The following SOX6 variants were observed in gnomAD, a reference collection of about 807,000 sequenced individuals.
SOX6 encodes the protein SRY-box transcription factor 6, also known as transcription factor SOX-6.
Under a neutral mutation model 97.8 loss-of-function variants are expected in SOX6, and 11 were observed. That is an observed-to-expected ratio of 0.11 (90% CI 0.07 to 0.19). The LOEUF (loss-of-function observed/expected upper bound fraction) is 0.19, where lower values mean the gene tolerates loss of function less well. Among genes scored for constraint, SOX6 ranks in the 10% least tolerant of loss-of-function variants. The probability of loss-of-function intolerance (pLI) is 1.00; values close to 1 mark genes in which losing one functional copy is unlikely to be tolerated. For synonymous variants in SOX6, 360 were observed against 371.4 expected, an observed-to-expected ratio of 0.97 and a Z score of 0.35; for missense variants, 810 against 1,039.5, an observed-to-expected ratio of 0.78 and a Z score of 3.04.
chr11:16,444,643 A>C (rs1187683875), intron 1 of SOX6, among the ~76,000 whole-genome samples: 1 of 152,190 alleles, frequency 6.6e-6, no homozygotes, highest in Admixed American at 6.5e-5. Flanking sequence ...TACCCTGAAA[A>C]CACATAAACT....
rs1853196597 is a variant in SOX6 at position 15,968,192 on chromosome 11, A to T, written c.*4617T>A. 6.6e-6 allele frequency: 1 copy of T among 152,200 alleles called. No homozygotes were observed. Among genetic ancestry groups the T allele is most frequent in the Non-Finnish European group, 1.5e-5 (1 of 68,038 alleles). The allele number at this position is 152,200 out of a possible 1,614,324, so 9.4% of individuals were successfully genotyped here. On this transcript the variant is annotated 3_prime_UTR_variant, in exon 16 of 16. Transcript: ENST00000683767. ...AAGTGCTTTTGTGAAAGGACAAATG[A>T]GGTCATACAATATTATTATACTTTG... is the stretch of plus-strand genomic sequence containing the variant.
At chr11:16,409,786 G>A (rs1342211994) in intron 1 of SOX6, among the ~76,000 whole-genome samples, 2 of 151,436 alleles carry the variant, frequency 1.3e-5, no homozygotes, top group African/African-American at 4.9e-5. Flanking sequence ...TAAAATTTAG[G>A]ATGCATTGCC....
chr11:16,547,111 A>G (rs1847630298), intron 4 of SOX6, among the ~76,000 whole-genome samples: 1 of 152,190 alleles, frequency 6.6e-6, no homozygotes, highest in African/African-American at 2.4e-5. Flanking sequence ...GACAAAAAAT[A>G]ACAGATGATG....
At chr11:16,293,205 T>G (rs190195299) in intron 3 of SOX6, among the ~76,000 whole-genome samples, 2 of 152,286 alleles carry the variant, frequency 1.3e-5, no homozygotes, top group Admixed American at 6.5e-5. Context: ...GTTCTCACAC[T>G]GAATAATATG....
intron 2 of SOX6, among the ~76,000 whole-genome samples, chr11:16,319,061 T>TC (rs1855832709): frequency 6.6e-6 from 1 of 152,166 alleles, no homozygotes; most frequent in African/African-American, 2.4e-5. Context: ...GTATCAACAC[T>TC]CTTCCCACAA....
At chr11:16,595,655 G>A (rs1397727491) in intron 4 of SOX6, among the ~76,000 whole-genome samples, 2 of 150,532 alleles carry the variant, frequency 1.3e-5, no homozygotes, top group East Asian at 3.9e-4. Flanking sequence ...GGCTTCTGTA[G>A]TCGCAGCTAC....
rs117329429 is a variant in SOX6 at position 16,247,337 on chromosome 11, C to T, written c.446-12666G>A. On this transcript the variant is annotated intron_variant, in intron 3 of 15. Coordinates refer to ENST00000683767, the MANE Select transcript of SOX6 (RefSeq NM_001367873.1). ...TGTTGATAGACACTTAGGTTGACTC[C>T]GTATTTGGCTATTGTGAGTAGTGCT... Among the ~76,000 whole-genome samples, 429 of 152,178 alleles carry T rather than the reference C, an allele frequency of 2.8e-3. 5 individuals are homozygous for T. In the East Asian group the frequency reaches 0.04, roughly 14 times the overall value.
intron 3 of SOX6, among the ~76,000 whole-genome samples, chr11:16,682,045 T>A (rs1847932529): frequency 3.3e-5 from 5 of 152,364 alleles, no homozygotes; most frequent in Admixed American, 2.6e-4. Context: ...AAAGAGGAGC[T>A]GGTACCATTC....
intron 3 of SOX6, among the ~76,000 whole-genome samples, chr11:16,271,482 C>T (rs1854257084): frequency 1.3e-5 from 2 of 151,402 alleles, no homozygotes; most frequent in Admixed American, 6.6e-5. Context: ...TCCTGTAAAA[C>T]TTTCTGGGCC....
At chr11:16,303,986 G>A (rs555842334) in intron 3 of SOX6, among the ~76,000 whole-genome samples, 9 of 152,108 alleles carry the variant, frequency 5.9e-5, no homozygotes, top group Non-Finnish European at 8.8e-5. Flanking sequence ...GTGCGATCTC[G>A]GCTCACTGCA....
At chr11:16,213,454 G>A (rs139897530) in intron 4 of SOX6, among the ~76,000 whole-genome samples, 1 of 151,882 alleles carries the variant, frequency 6.6e-6, no homozygotes. Context: ...ACACAATGAA[G>A]AATGCATACA....
chr11:16,002,969 T>A (rs567005684), intron 13 of SOX6, among the ~76,000 whole-genome samples: 2 of 152,302 alleles, frequency 1.3e-5, no homozygotes, highest in South Asian at 4.1e-4. Flanking sequence ...AAAACTAGCC[T>A]TCTGGCTGAT....
intron 9 of SOX6, 134 bp downstream of exon 9, chr11:16,095,862 T>G (rs1020027667): frequency 9.4e-7 from 1 of 1,069,228 alleles, no homozygotes; most frequent in Non-Finnish European, 1.3e-6. Flanking sequence ...TCCTTAGGAA[T>G]GAGAAAAAGG....
intron 4 of SOX6, among the ~76,000 whole-genome samples, chr11:16,481,474 T>C (rs1019304955): frequency 2.0e-5 from 3 of 152,176 alleles, no homozygotes; most frequent in African/African-American, 7.2e-5. Flanking sequence ...AGAACTTCCT[T>C]CCTCAAAGAA....
At chr11:16,141,428 C>G (rs1850137467) in intron 6 of SOX6, among the ~76,000 whole-genome samples, 1 of 152,076 alleles carries the variant, frequency 6.6e-6, no homozygotes, top group African/African-American at 2.4e-5. Context: ...TGTACAGCTC[C>G]CAGCATGAGC....
chr11:16,133,066 C>T (rs1051632362), intron 6 of SOX6, among the ~76,000 whole-genome samples: 4 of 151,918 alleles, frequency 2.6e-5, no homozygotes, highest in African/African-American at 9.7e-5. Context: ...AAAAAATGGC[C>T]TAATTTTGGT....
At position 16,139,039 on chromosome 11, in the gene SOX6, T is replaced by G. The variant is rs554435297; in HGVS notation, c.778-27116A>C. On this transcript the variant is annotated intron_variant, in intron 6 of 15. Transcript: ENST00000683767. ...TTTTTTCCTAATGTTTCCTTATGATTAGATTCAGGTAATACATTTTTGTCA... is the reference window on the plus strand; with the variant it reads ...TTTTTTCCTAATGTTTCCTTATGATGAGATTCAGGTAATACATTTTTGTCA... Among the ~76,000 whole-genome samples the G allele has an allele frequency of 6.6e-5, 10 of 152,328 alleles. No homozygotes were observed. The South Asian group carries it at 8.3e-4, about 13-fold the overall frequency.
At chr11:16,339,580 C>T (rs180719718) in intron 2 of SOX6, among the ~76,000 whole-genome samples, 1 of 152,056 alleles carries the variant, frequency 6.6e-6, no homozygotes, top group East Asian at 1.9e-4. Flanking sequence ...TGTTCTTTCT[C>T]CTCACACATA....
chr11:16,097,659 A>T lies in SOX6; in HGVS notation c.928T>A (p.Ser310Thr), dbSNP rs537187873. 161 of 1,611,224 alleles carry T rather than the reference A, an allele frequency of 1.0e-4. No homozygotes were observed. The South Asian group carries it at 1.6e-3, about 16-fold the overall frequency. Residue 310 changes from serine to threonine, a missense_variant, in exon 8 of 16, where the codon TCA becomes ACA. This residue lies in a region of SOX6 where 244 missense variants were observed against 261.0 expected (regional missense o/e 0.93). Transcript: ENST00000683767. ...GAAGCAGCAGCAGCTGCCATTGTTG[A>T]TGGAATGAACTGTACGGGGTAGTTA... The part of the protein sequence containing the change: ...GDNYPVQFIP[S>T]TMAAAAASGL...
Sources: gnomAD v4.1 joint callset for allele counts (sites outside exome capture counted in the v4.1 genomes callset) on GRCh38, gnomAD v4.1.1 for gene constraint, gnomAD v4.1.1 regional missense constraint, MANE v1.5 for transcripts, NCBI Gene and HGNC (gene_info 2026-07-23, HGNC 2026-07-21) for gene names.